Variants in HS3ST4 observed in about 807,000 individuals in gnomAD.
HS3ST4 encodes the protein heparan sulfate-glucosamine 3-sulfotransferase 4.
In HS3ST4, 17 loss-of-function variants were observed where a neutral mutation model predicts 29.2. The observed-to-expected ratio is 0.58, with a 90% CI of 0.40 to 0.87. HS3ST4 has a LOEUF of 0.87. HS3ST4 is among the 40% of genes least tolerant of loss of function. HS3ST4 has a pLI of 0.00. For synonymous variants in HS3ST4, 314 were observed against 285.7 expected (o/e 1.10, Z -1.00); for missense variants, 627 against 634.5 (o/e 0.99, Z 0.13).
At position 26,017,178 on chromosome 16, in the gene HS3ST4, A is replaced by G. The variant is rs1056737407; in HGVS notation, c.735-118434A>G. On this transcript the variant is annotated intron_variant, in intron 1 of 1. Transcript: ENST00000331351. ...CCTTCTTTGTAACACAGAAATTAGT[A>G]CCATGAGTGGGGTGATTTTATAACA... is the stretch of plus-strand genomic sequence containing the variant. Among the ~76,000 whole-genome samples the G allele has an allele frequency of 2.0e-5, 3 of 152,380 alleles. No individual in the cohort carries two copies. The South Asian group carries it at 6.2e-4, about 32-fold the overall frequency.
intron 1 of HS3ST4, among the ~76,000 whole-genome samples, chr16:25,733,373 C>CTG: frequency 1.3e-5 from 2 of 152,156 alleles, no homozygotes; most frequent in South Asian, 4.2e-4. Context: ...TGGTAGGTCC[C>CTG]TGTGCACAAG....
At position 26,136,763 on chromosome 16, in the gene HS3ST4, G is replaced by A. The variant is rs1268677977; in HGVS notation, c.*515G>A. The A allele has an allele frequency of 6.3e-6, 1 of 159,158 alleles. No individual in the cohort carries two copies. The highest frequency in any genetic ancestry group is 1.4e-5 in the Non-Finnish European group (1 of 71,814). The allele number at this position is 159,158 out of a possible 1,614,324, so 9.9% of individuals were successfully genotyped here. On this transcript the variant is annotated 3_prime_UTR_variant, in exon 2 of 2. Transcript: ENST00000331351. The stretch of plus-strand genomic sequence containing the variant: ...CTAGGGAGCAAGGTCCTCCCTCTAA[G>A]GTGTTTCTAGTCTTCTCTTTAAAGG...
intron 1 of HS3ST4, among the ~76,000 whole-genome samples, chr16:25,805,539 G>T (rs1225247412): frequency 6.6e-6 from 1 of 151,902 alleles, no homozygotes; most frequent in Non-Finnish European, 1.5e-5. Context: ...ATTTCACCCT[G>T]GTATCGGCAA....
intron 1 of HS3ST4, among the ~76,000 whole-genome samples, chr16:25,926,176 C>A (rs1472072320): frequency 4.6e-5 from 7 of 152,140 alleles, no homozygotes; most frequent in African/African-American, 7.2e-5. Context: ...TAGAACATTA[C>A]CTTCTCCCCC....
chr16:25,907,234 A>G (rs1968188161), intron 1 of HS3ST4, among the ~76,000 whole-genome samples: 1 of 152,132 alleles, frequency 6.6e-6, no homozygotes, highest in Non-Finnish European at 1.5e-5. Context: ...ATACTTTGGC[A>G]GGTGAGAGAC....
intron 1 of HS3ST4, among the ~76,000 whole-genome samples, chr16:26,085,524 G>A (rs113119132): frequency 6.1e-4 from 25 of 41,286 alleles, no homozygotes; most frequent in South Asian, 1.7e-3. Flanking sequence ...ATATATATAT[G>A]TTATAAAAAC....
intron 1 of HS3ST4, among the ~76,000 whole-genome samples, chr16:25,882,513 A>T (rs1967904596): frequency 6.6e-6 from 1 of 152,116 alleles, no homozygotes; most frequent in Non-Finnish European, 1.5e-5. Context: ...TTGTCTTTCC[A>T]GCAAATGTCT....
chr16:26,060,994 CT>C (rs1442603048), intron 1 of HS3ST4, among the ~76,000 whole-genome samples: 1 of 152,156 alleles, frequency 6.6e-6, no homozygotes, highest in Non-Finnish European at 1.5e-5. Flanking sequence ...CAAATGCTGT[CT>C]TGATCTTTGA....
intron 1 of HS3ST4, among the ~76,000 whole-genome samples, chr16:25,976,171 C>T (rs911892119): frequency 6.6e-6 from 1 of 152,182 alleles, no homozygotes; most frequent in Non-Finnish European, 1.5e-5. Flanking sequence ...AGGTTAAAAA[C>T]GTGATCCCGT....
chr16:25,894,498 C>CT (rs371776075), intron 1 of HS3ST4, among the ~76,000 whole-genome samples: 143 of 140,510 alleles, frequency 1.0e-3, no homozygotes, highest in South Asian at 1.6e-3. Context: ...CTTTTTCTTT[C>CT]TTTTTTTTTT....
chr16:25,713,529 AAAACAAACAAACAAAC>A (rs60981273), intron 1 of HS3ST4, among the ~76,000 whole-genome samples: 17 of 150,610 alleles, frequency 1.1e-4, no homozygotes, highest in Middle Eastern at 3.4e-3. Flanking sequence ...CCCTGTCTCA[AAAACAAACAAACAAAC>A]AAACAAACAA....
At chr16:25,932,470 C>T (rs770437436) in intron 1 of HS3ST4, among the ~76,000 whole-genome samples, 2 of 152,176 alleles carry the variant, frequency 1.3e-5, no homozygotes, top group Non-Finnish European at 2.9e-5. Context: ...GGAGTGGTAA[C>T]TGCCATTTTT....
intron 1 of HS3ST4, among the ~76,000 whole-genome samples, chr16:25,968,215 T>G (rs1968862425): frequency 6.6e-6 from 1 of 152,186 alleles, no homozygotes; most frequent in African/African-American, 2.4e-5. Context: ...TGAGACTTGT[T>G]CTTCCTGAGG....
chr16:25,943,065 TA>T (rs1968588573), intron 1 of HS3ST4, among the ~76,000 whole-genome samples: 1 of 152,236 alleles, frequency 6.6e-6, no homozygotes, highest in South Asian at 2.1e-4. Context: ...ACCATAATTC[TA>T]ATAATAAAAA....
intron 1 of HS3ST4, chr16:26,032,667 C>T: frequency 1.1e-5 from 15 of 1,363,660 alleles, no homozygotes; most frequent in Non-Finnish European, 1.6e-5. Context: ...ACCTTCTCTC[C>T]CTTCTTTGCA....
At chr16:25,884,205 C>T (rs1349350067) in intron 1 of HS3ST4, among the ~76,000 whole-genome samples, 2 of 152,026 alleles carry the variant, frequency 1.3e-5, no homozygotes, top group Admixed American at 6.6e-5. Context: ...AGGTTCAGTA[C>T]TCGAGGAAAG....
intron 1 of HS3ST4, among the ~76,000 whole-genome samples, chr16:26,077,512 A>C (rs1898676659): frequency 6.6e-6 from 1 of 152,222 alleles, no homozygotes; most frequent in Non-Finnish European, 1.5e-5. Flanking sequence ...CCCTTGTTCC[A>C]CTGTGCTTAT....
At position 25,808,216 on chromosome 16, in the gene HS3ST4, A is replaced by G. The variant is rs541307176; in HGVS notation, c.734+115065A>G. On this transcript the variant is annotated intron_variant, in intron 1 of 1. Coordinates refer to ENST00000331351, the MANE Select transcript of HS3ST4 (RefSeq NM_006040.3). ...GAATTCTTTGCCTAGCCTGGATCCC[A>G]AAGACTTTCATCTATTTTTATTCTA... is the stretch of plus-strand genomic sequence containing the variant. Among the ~76,000 whole-genome samples the G allele has an allele frequency of 9.7e-4, 147 of 152,322 alleles. 1 individual carries two copies. Among genetic ancestry groups the G allele is most frequent in the African/African-American group, 3.4e-3 (142 of 41,594 alleles).
intron 1 of HS3ST4, among the ~76,000 whole-genome samples, chr16:25,839,837 C>T (rs957723499): frequency 6.6e-6 from 1 of 152,218 alleles, no homozygotes; most frequent in Admixed American, 6.5e-5. Flanking sequence ...AAAAGCCAAT[C>T]AGCACTGCGA....
Sources: allele counts gnomAD v4.1 joint callset (sites outside exome capture counted in the v4.1 genomes callset), GRCh38; gene constraint gnomAD v4.1.1; transcripts MANE v1.5; gene names NCBI Gene and HGNC (gene_info 2026-07-23, HGNC 2026-07-21).